Variants in METTL25 observed in about 807,000 individuals in gnomAD.
The protein encoded by METTL25 is probable methyltransferase-like protein 25.
A neutral mutation model predicts 71.6 loss-of-function variants in METTL25; 64 were observed. The ratio of observed to expected loss-of-function variants is 0.89; its 90% CI spans 0.73 to 1.10. The LOEUF is 1.10. Ranked by LOEUF, METTL25 falls within the 50% of genes least tolerant of loss-of-function variation. METTL25 has a pLI of 0.00. For missense variants in METTL25, 807 were observed against 707.0 expected, an observed-to-expected ratio of 1.14 and a Z score of -1.60; for synonymous variants, 287 against 250.3, an observed-to-expected ratio of 1.15 and a Z score of -1.38.
At chr12:82,370,022 G>A (rs546062457) in intron 1 of METTL25, among the ~76,000 whole-genome samples, 3 of 152,208 alleles carry the variant, frequency 2.0e-5, no homozygotes, top group African/African-American at 7.2e-5. Context: ...ACCCAACCCA[G>A]AGGCCCAGCT....
intron 1 of METTL25, among the ~76,000 whole-genome samples, chr12:82,379,749 A>C (rs1884244882): frequency 6.6e-6 from 1 of 152,190 alleles, no homozygotes. Flanking sequence ...ATTAACAGAA[A>C]CTGAGTAATT....
intron 8 of METTL25, among the ~76,000 whole-genome samples, chr12:82,455,454 A>AT (rs1891424312): frequency 6.6e-6 from 1 of 151,954 alleles, no homozygotes; most frequent in Non-Finnish European, 1.5e-5. Flanking sequence ...GCAGTGATAA[A>AT]TAACAAACGA....
At chr12:82,385,543 C>T (rs1350474054) in intron 1 of METTL25, among the ~76,000 whole-genome samples, 1 of 151,988 alleles carries the variant, frequency 6.6e-6, no homozygotes, top group Non-Finnish European at 1.5e-5. Context: ...ATTGGACTTT[C>T]CCGTCTATTG....
chr12:82,445,261 C>T (rs1321855614), intron 8 of METTL25, among the ~76,000 whole-genome samples: 1 of 151,886 alleles, frequency 6.6e-6, no homozygotes, highest in East Asian at 1.9e-4. Context: ...TTACCATTTA[C>T]TACCATAAAA....
chr12:82,389,026 C>T (rs182252553), intron 2 of METTL25: 55 of 152,154 alleles, frequency 3.6e-4, no homozygotes, highest in African/African-American at 1.3e-3. Flanking sequence ...TGAACACTGT[C>T]GTGCCATAAT....
At chr12:82,366,656 T>C (rs1020352651) in intron 1 of METTL25, among the ~76,000 whole-genome samples, 1 of 152,198 alleles carries the variant, frequency 6.6e-6, no homozygotes, top group Non-Finnish European at 1.5e-5. Flanking sequence ...TGGTAGTAAT[T>C]CGAATGCATT....
intron 9 of METTL25, among the ~76,000 whole-genome samples, chr12:82,462,127 T>G (rs143995803): frequency 2.0e-5 from 3 of 152,268 alleles, no homozygotes; most frequent in Non-Finnish European, 2.9e-5. Flanking sequence ...CACTCTCAAT[T>G]TATAAGTTTG....
intron 1 of METTL25, among the ~76,000 whole-genome samples, chr12:82,385,167 A>G (rs1884856558): frequency 6.6e-6 from 1 of 152,138 alleles, no homozygotes; most frequent in African/African-American, 2.4e-5. Flanking sequence ...GATTTTATTC[A>G]TATTAATGAA....
chr12:82,416,587 C>T (rs918761745), intron 5 of METTL25, among the ~76,000 whole-genome samples: 4 of 151,572 alleles, frequency 2.6e-5, no homozygotes, highest in African/African-American at 2.4e-5. Flanking sequence ...ACTACTGGTG[C>T]GTGACACCAC....
chr12:82,377,159 T>C (rs1164088074), intron 1 of METTL25, among the ~76,000 whole-genome samples: 3 of 152,176 alleles, frequency 2.0e-5, no homozygotes, highest in African/African-American at 4.8e-5. Flanking sequence ...ATTTCTACTT[T>C]TGTTTGTTTT....
In METTL25 at chr12:82,456,846, T is replaced by G. The variant is rs147705993; in HGVS notation, c.1572+26T>G. The G allele has an allele frequency of 7.2e-5, 81 of 1,122,080 alleles. No homozygotes were observed. The African/African-American group carries it at 1.2e-3, about 16-fold the overall frequency. The allele number at this position is 1,122,080 out of a possible 1,614,324, so 69.5% of individuals were successfully genotyped here. A position where few individuals can be genotyped will look rare whatever the true frequency, so the allele number is the denominator to read the frequency against. On this transcript the variant is annotated intron_variant, in intron 9 of 11. Coordinates refer to ENST00000248306, the MANE Select transcript of METTL25 (RefSeq NM_032230.3). ...GTCAGTATATGATGACTCATTATTT[T>G]CAGAAAAGACAGAAGAACTTCTATT...
intron 5 of METTL25, among the ~76,000 whole-genome samples, chr12:82,405,411 G>A (rs912124615): frequency 6.6e-6 from 1 of 151,964 alleles, no homozygotes; most frequent in South Asian, 2.1e-4. Flanking sequence ...AATAGATTCA[G>A]ATTTAGGTGA....
chr12:82,396,284 C>T (rs1203339805), intron 3 of METTL25, among the ~76,000 whole-genome samples: 1 of 151,990 alleles, frequency 6.6e-6, no homozygotes, highest in African/African-American at 2.4e-5. Flanking sequence ...CCTGCAATAC[C>T]TATCCTAGAA....
chr12:82,381,993 A>T (rs1884486478), intron 1 of METTL25, among the ~76,000 whole-genome samples: 1 of 152,138 alleles, frequency 6.6e-6, no homozygotes, highest in South Asian at 2.1e-4. Context: ...ATCAGAGTTG[A>T]TGGGTGGCTT....
chr12:82,409,854 C>T (rs984744287), intron 5 of METTL25, among the ~76,000 whole-genome samples: 1 of 152,080 alleles, frequency 6.6e-6, no homozygotes, highest in African/African-American at 2.4e-5. Context: ...GGTCACGAAT[C>T]ATCTTTTGAT....
chr12:82,386,548 A>G (rs1294753621), intron 1 of METTL25, among the ~76,000 whole-genome samples: 1 of 149,672 alleles, frequency 6.7e-6, no homozygotes, highest in Non-Finnish European at 1.5e-5. Flanking sequence ...TTCTTTCCAT[A>G]AAAAAGGCCT....
chr12:82,446,691 A>G (rs1200417871), intron 8 of METTL25, among the ~76,000 whole-genome samples: 1 of 147,178 alleles, frequency 6.8e-6, no homozygotes. Flanking sequence ...GTCTCGGCTC[A>G]CTGCAACCTC....
At position 82,381,999 on chromosome 12, in the gene METTL25, G is replaced by A. The variant is rs1884486752; in HGVS notation, c.260-4804G>A. Among the ~76,000 whole-genome samples, 3 of 152,276 alleles carry A rather than the reference G, an allele frequency of 2.0e-5. No homozygotes were observed. The South Asian group carries it at 6.2e-4, about 32-fold the overall frequency. On this transcript the variant is annotated intron_variant, in intron 1 of 11. Transcript: ENST00000248306. ...CATTTTTACATCAGAGTTGATGGGT[G>A]GCTTAGCATGTGGATTGATGGCACA...
intron 9 of METTL25, among the ~76,000 whole-genome samples, chr12:82,458,414 A>T (rs1251257879): frequency 1.3e-5 from 2 of 152,204 alleles, no homozygotes; most frequent in Admixed American, 1.3e-4. Flanking sequence ...AACTGGAAAG[A>T]CAGGCAAATA....
Sources: gnomAD v4.1 joint callset for allele counts (sites outside exome capture counted in the v4.1 genomes callset) on GRCh38, gnomAD v4.1.1 for gene constraint, MANE v1.5 for transcripts, NCBI Gene and HGNC (gene_info 2026-07-23, HGNC 2026-07-21) for gene names.